Variants in DPP10 observed in about 807,000 individuals in gnomAD.
DPP10 encodes dipeptidyl peptidase like 10.
DPP10 carries 33 observed loss-of-function variants against 120.9 expected under a neutral mutation model. The ratio of observed to expected loss-of-function variants is 0.27; its 90% CI spans 0.21 to 0.37. The LOEUF (loss-of-function observed/expected upper bound fraction) is 0.37. Among genes scored for constraint, DPP10 ranks in the 10% least tolerant of loss-of-function variants. The pLI is 1.00. For missense variants in DPP10, 816 were observed against 942.8 expected, an observed-to-expected ratio of 0.87 and a Z score of 1.76; for synonymous variants, 337 against 326.1, an observed-to-expected ratio of 1.03 and a Z score of -0.36.
In DPP10 at chr2:115,769,543, T is replaced by C. The variant is rs148608687; in HGVS notation, c.1221+1139T>C. ...AGAAATAATTTGGAATACATACAAT[T>C]TCCACAGTACAGATGTAGATTGATT... On this transcript the variant is annotated intron_variant, in intron 13 of 25. Coordinates refer to ENST00000410059, the MANE Select transcript of DPP10 (RefSeq NM_020868.6). Among the ~76,000 whole-genome samples the C allele has an allele frequency of 1.6e-3, 237 of 152,144 alleles. 4 individuals carry two copies. Among genetic ancestry groups the C allele is most frequent in the African/African-American group, 5.4e-3 (226 of 41,562 alleles).
intron 1 of DPP10, among the ~76,000 whole-genome samples, chr2:114,616,786 C>G (rs1693708659): frequency 6.6e-6 from 1 of 152,048 alleles, no homozygotes; most frequent in Admixed American, 6.6e-5. Context: ...TCCACAGTTT[C>G]TTGCCAGGCA....
At chr2:115,366,641 C>G (rs1443382262) in intron 3 of DPP10, among the ~76,000 whole-genome samples, 1 of 151,916 alleles carries the variant, frequency 6.6e-6, no homozygotes, top group African/African-American at 2.4e-5. Context: ...TTATTTGTTC[C>G]TGTTTGTCTT....
At chr2:115,658,751 C>T (rs2088630510) in intron 5 of DPP10, among the ~76,000 whole-genome samples, 1 of 152,050 alleles carries the variant, frequency 6.6e-6, no homozygotes, top group South Asian at 2.1e-4. Flanking sequence ...CTTTACAATA[C>T]ATGATAGTCT....
chr2:115,523,481 G>A (rs1264821487), intron 4 of DPP10, among the ~76,000 whole-genome samples: 2 of 144,060 alleles, frequency 1.4e-5, no homozygotes, highest in African/African-American at 5.1e-5. Flanking sequence ...GGATTGTCTT[G>A]TTACGTATGC....
chr2:115,378,019 T>C (rs1218107697), intron 3 of DPP10, among the ~76,000 whole-genome samples: 2 of 151,960 alleles, frequency 1.3e-5, no homozygotes, highest in East Asian at 1.9e-4. Flanking sequence ...TGGCTTAGGA[T>C]TGACTTGGCG....
chr2:115,531,111 TAC>T (rs1345422959), intron 5 of DPP10, among the ~76,000 whole-genome samples: 1 of 151,570 alleles, frequency 6.6e-6, no homozygotes, highest in African/African-American at 2.4e-5. Flanking sequence ...TTGGTGAAAA[TAC>T]AGAGACTAAC....
intron 1 of DPP10, among the ~76,000 whole-genome samples, chr2:115,184,281 AT>A (rs1166347906): frequency 6.6e-6 from 1 of 152,162 alleles, no homozygotes; most frequent in African/African-American, 2.4e-5. Context: ...CTTCACTATA[AT>A]TTGTCAAGTG....
chr2:115,633,155 A>C (rs1035440244), intron 5 of DPP10, among the ~76,000 whole-genome samples: 2 of 152,184 alleles, frequency 1.3e-5, no homozygotes, highest in East Asian at 1.9e-4. Context: ...GGCACTATTC[A>C]CAATAGCAAA....
chr2:114,605,100 T>C (rs988698196), intron 1 of DPP10, among the ~76,000 whole-genome samples: 3 of 152,100 alleles, frequency 2.0e-5, no homozygotes, highest in Admixed American at 2.0e-4. Context: ...TGACTTTCTG[T>C]AGTAGTAGCA....
At chr2:114,694,016 TC>T (rs1474546241) in intron 1 of DPP10, among the ~76,000 whole-genome samples, 1 of 151,986 alleles carries the variant, frequency 6.6e-6, no homozygotes, top group Non-Finnish European at 1.5e-5. Flanking sequence ...AATATTATTT[TC>T]TATGATTTCT....
rs34515129 is a variant in DPP10, at chr2:115,059,685, G to GAAAAA, written c.61-249540_61-249536dup. Among the ~76,000 whole-genome samples, 882 of 116,250 alleles carry GAAAAA rather than the reference G, an allele frequency of 7.6e-3. 7 individuals carry two copies. The highest frequency in any genetic ancestry group is 0.014 in the African/African-American group (405 of 29,460). 76.3% of individuals were successfully genotyped at this position (116,250 alleles called of 152,430 possible). A position where few individuals can be genotyped will look rare whatever the true frequency, so the allele number is the denominator to read the frequency against. On this transcript the variant is annotated intron_variant, in intron 1 of 25. Coordinates refer to ENST00000410059, the MANE Select transcript of DPP10 (RefSeq NM_020868.6). ...TTGGGAACATTAGTGACCTCAACAGGAAAAAAAAAAAAAAAAAAGCAAACG... is the reference window on the plus strand; with the variant it reads ...TTGGGAACATTAGTGACCTCAACAGGAAAAAAAAAAAAAAAAAAAAAAAGCAAACG...
intron 5 of DPP10, among the ~76,000 whole-genome samples, chr2:115,559,913 G>A (rs1157418339): frequency 1.3e-5 from 2 of 152,084 alleles, no homozygotes; most frequent in Non-Finnish European, 2.9e-5. Flanking sequence ...GTTAGACATT[G>A]TCTACCAAGC....
At chr2:114,791,552 G>A (rs551685377) in intron 1 of DPP10, among the ~76,000 whole-genome samples, 10 of 152,088 alleles carry the variant, frequency 6.6e-5, no homozygotes, top group South Asian at 6.2e-4. Context: ...GGGCTTTCAC[G>A]TAAAAGTTGG....
chr2:115,117,505 G>A (rs935785566), intron 1 of DPP10, among the ~76,000 whole-genome samples: 9 of 152,254 alleles, frequency 5.9e-5, no homozygotes, highest in South Asian at 4.1e-4. Flanking sequence ...CCACTCGAGA[G>A]GATGAGTTGG....
At position 115,499,563 on chromosome 2, in the gene DPP10, G is replaced by T. The variant is rs1354971852; in HGVS notation, c.325G>T (p.Glu109Ter). ...ENGHVIKLNI[E>*]TNATTLLLEN... ...TGGACATGTCATTAAACTGAATATA[G>T]AAACAAATGCTACCACATTATTATT... The change falls in exon 4 of 26, where the codon GAA becomes TAA. Residue 109 changes from glutamate to a stop codon, truncating the protein, a stop_gained. Coordinates refer to ENST00000410059, the MANE Select transcript of DPP10 (RefSeq NM_020868.6). LOFTEE classifies it high-confidence loss of function. The T allele has an allele frequency of 6.2e-7, 1 of 1,611,560 alleles. No individual in the cohort carries two copies. Among genetic ancestry groups the T allele is most frequent in the Admixed American group, 1.7e-5 (1 of 59,722 alleles).
intron 1 of DPP10, among the ~76,000 whole-genome samples, chr2:114,840,003 C>T (rs1406819908): frequency 1.3e-5 from 2 of 152,068 alleles, no homozygotes; most frequent in Non-Finnish European, 1.5e-5. Flanking sequence ...GGAGGTGGGA[C>T]GGTTCTTTCC....
chr2:115,646,944 C>T (rs960706635), intron 5 of DPP10, among the ~76,000 whole-genome samples: 6 of 152,112 alleles, frequency 3.9e-5, no homozygotes, highest in Non-Finnish European at 5.9e-5. Context: ...GAGGTAATTT[C>T]GTTTGAGGTC....
intron 1 of DPP10, among the ~76,000 whole-genome samples, chr2:115,183,416 T>A (rs1223511310): frequency 2.0e-5 from 3 of 152,182 alleles, no homozygotes; most frequent in Non-Finnish European, 4.4e-5. Flanking sequence ...AGAACCTTTT[T>A]CTTGCCTCCC....
At chr2:114,905,989 G>A (rs1183650186) in intron 1 of DPP10, among the ~76,000 whole-genome samples, 9 of 152,054 alleles carry the variant, frequency 5.9e-5, no homozygotes. Flanking sequence ...CTACACATAG[G>A]ATAATTTACT....
Sources: allele counts gnomAD v4.1 joint callset (sites outside exome capture counted in the v4.1 genomes callset), GRCh38; gene constraint gnomAD v4.1.1; transcripts MANE v1.5; gene names NCBI Gene and HGNC (gene_info 2026-07-23, HGNC 2026-07-21).